MAPK10: variants seen among roughly 807,000 people sequenced by gnomAD.
MAPK10 encodes mitogen-activated protein kinase 10, also known as JNK3 alpha protein kinase.
Under a neutral mutation model 59.3 loss-of-function variants are expected in MAPK10, and 25 were observed. That is an observed-to-expected ratio of 0.42 (90% CI 0.31 to 0.59). MAPK10 has a LOEUF of 0.59. Ranked by LOEUF, MAPK10 falls within the 20% of genes least tolerant of loss-of-function variation. MAPK10 has a pLI of 0.15. For synonymous variants in MAPK10, 190 were observed against 200.5 expected (o/e 0.95, Z 0.44); for missense variants, 351 against 568.9 (o/e 0.62, Z 3.90).
At chr4:86,565,165 A>C (rs1183235716) in intron 1 of MAPK10, among the ~76,000 whole-genome samples, 3 of 152,214 alleles carry the variant, frequency 2.0e-5, no homozygotes, top group Non-Finnish European at 4.4e-5. Flanking sequence ...CATTAAGCAA[A>C]TCAAACTTAT....
At chr4:86,487,101 G>A (rs530528291) in intron 1 of MAPK10, among the ~76,000 whole-genome samples, 12 of 152,250 alleles carry the variant, frequency 7.9e-5, no homozygotes, top group African/African-American at 2.6e-4. Flanking sequence ...ACAGTCGATT[G>A]CAATGCAGGA....
rs374033151 is a variant in MAPK10, at chr4:86,211,445, GA to G, written c.-6-17039del. ...GGCTAATATATTCAAAGTGCTAAAA[GA>G]AAAAAAGTGTCAACCAAGAATCTAA... On this transcript the variant is annotated intron_variant, in intron 2 of 13. Coordinates refer to ENST00000641462, the MANE Select transcript of MAPK10 (RefSeq NM_138982.4). Among the ~76,000 whole-genome samples, 800 of 151,860 alleles carry G rather than the reference GA, an allele frequency of 5.3e-3. 6 individuals are homozygous for G. The highest frequency in any genetic ancestry group is 7.3e-3 in the Non-Finnish European group (494 of 67,844).
intron 2 of MAPK10, among the ~76,000 whole-genome samples, chr4:86,257,075 C>CT (rs2093774982): frequency 6.6e-6 from 1 of 152,138 alleles, no homozygotes; most frequent in African/African-American, 2.4e-5. Flanking sequence ...CTCAATTCCT[C>CT]TGTCTTTCCT....
At chr4:86,304,398 T>C (rs1265041324) in intron 2 of MAPK10, among the ~76,000 whole-genome samples, 7 of 145,770 alleles carry the variant, frequency 4.8e-5, no homozygotes, top group East Asian at 4.0e-4. Context: ...TTTTTTTTTT[T>C]TTTTTTTTTT....
chr4:86,188,737 C>T (rs555901583), intron 3 of MAPK10, among the ~76,000 whole-genome samples: 1 of 152,166 alleles, frequency 6.6e-6, no homozygotes, highest in Non-Finnish European at 1.5e-5. Context: ...TGCAGAAGCT[C>T]TTTAGTTTAA....
chr4:86,568,620 G>C (rs1433342358), intron 1 of MAPK10, among the ~76,000 whole-genome samples: 1 of 152,012 alleles, frequency 6.6e-6, no homozygotes, highest in Non-Finnish European at 1.5e-5. Flanking sequence ...AGACAGAATA[G>C]AGAACCCGGA....
At chr4:86,088,233 G>A (rs762015477) in intron 9 of MAPK10, among the ~76,000 whole-genome samples, 2 of 152,180 alleles carry the variant, frequency 1.3e-5, no homozygotes, top group African/African-American at 2.4e-5. Flanking sequence ...CTAGGCTGCA[G>A]TGCAGCAGCA....
At chr4:86,488,640 C>G (rs1445187837) in intron 1 of MAPK10, among the ~76,000 whole-genome samples, 1 of 152,140 alleles carries the variant, frequency 6.6e-6, no homozygotes, top group African/African-American at 2.4e-5. Flanking sequence ...TCTGAATCTG[C>G]CTGTAGATAC....
chr4:86,296,799 A>G (rs905367477), intron 2 of MAPK10, among the ~76,000 whole-genome samples: 1 of 152,240 alleles, frequency 6.6e-6, no homozygotes, highest in African/African-American at 2.4e-5. Context: ...AGAATTTCTT[A>G]TATTTTATGC....
intron 2 of MAPK10, among the ~76,000 whole-genome samples, chr4:86,229,955 G>A (rs1050622171): frequency 3.3e-5 from 5 of 152,160 alleles, no homozygotes; most frequent in Admixed American, 2.6e-4. Flanking sequence ...CAGCTACACA[G>A]GAGGCTGAGG....
chr4:86,562,235 T>C (rs1037682498), intron 1 of MAPK10, among the ~76,000 whole-genome samples: 7 of 151,906 alleles, frequency 4.6e-5, no homozygotes, highest in African/African-American at 1.7e-4. Flanking sequence ...GCTGTGATCA[T>C]GCCACTGCAC....
chr4:86,558,872 T>G (rs1760459837), intron 1 of MAPK10, among the ~76,000 whole-genome samples: 1 of 151,938 alleles, frequency 6.6e-6, no homozygotes, highest in Non-Finnish European at 1.5e-5. Flanking sequence ...TAGCATGCTG[T>G]ATCAGATCAT....
rs1747140049 is a variant in MAPK10 at position 86,425,405 on chromosome 4, G to A, written c.-122+27625C>T. ...ATGACATGTATATATTATATAAAAT[G>A]ACTCCAGGTAATTTTCTATTTTTCT... On this transcript the variant is annotated intron_variant, in intron 1 of 13. Coordinates refer to the MAPK10 transcript ENST00000361569. Among the ~76,000 whole-genome samples, 3 of 150,526 alleles carry A rather than the reference G, an allele frequency of 2.0e-5. No homozygotes were observed. In the South Asian group the frequency reaches 6.3e-4, roughly 32 times the overall value.
intron 3 of MAPK10, chr4:86,192,555 G>C (rs2080190484): frequency 6.6e-6 from 1 of 151,680 alleles, no homozygotes; most frequent in Admixed American, 6.6e-5. Context: ...TCTTCCGCTT[G>C]ATGGATTTGG....
At chr4:86,405,399 G>A (rs1195669770) in intron 1 of MAPK10, among the ~76,000 whole-genome samples, 1 of 152,116 alleles carries the variant, frequency 6.6e-6, no homozygotes, top group Non-Finnish European at 1.5e-5. Context: ...GTGTTCTGTT[G>A]AACATTAATA....
Position 86,182,975 on chromosome 4 carries a change from G to T in MAPK10, c.66+11361C>A, listed in dbSNP as rs75325913. Among the ~76,000 whole-genome samples, 1,249 of 151,998 alleles carry T rather than the reference G, an allele frequency of 8.2e-3. 16 individuals carry two copies. Among genetic ancestry groups the T allele is most frequent in the African/African-American group, 0.028 (1,182 of 41,494 alleles). On this transcript the variant is annotated intron_variant, in intron 3 of 13. Coordinates refer to ENST00000641462, the MANE Select transcript of MAPK10 (RefSeq NM_138982.4). ...AAACATTCTGTATCTACACCCAAATGTAGAAAGTTGAACTGAAAAATAACG... is the reference window on the plus strand; with the variant it reads ...AAACATTCTGTATCTACACCCAAATTTAGAAAGTTGAACTGAAAAATAACG...
At chr4:86,089,512 T>C in intron 9 of MAPK10, 1 of 405,574 alleles carries the variant, frequency 2.5e-6, no homozygotes, top group Middle Eastern at 6.4e-4. Context: ...CTACCTAATG[T>C]AGAATAATAT....
chr4:86,450,287 T>C (rs769122868), intron 1 of MAPK10, among the ~76,000 whole-genome samples: 1 of 152,178 alleles, frequency 6.6e-6, no homozygotes, highest in African/African-American at 2.4e-5. Flanking sequence ...AGTTTAATTA[T>C]CTCCCTAAAT....
intron 2 of MAPK10, among the ~76,000 whole-genome samples, chr4:86,255,093 A>G (rs1205085908): frequency 6.6e-6 from 1 of 152,166 alleles, no homozygotes; most frequent in Non-Finnish European, 1.5e-5. Context: ...AATAAAAGAA[A>G]AAAAGAAAAA....
Sources: gnomAD v4.1 joint callset for allele counts (sites outside exome capture counted in the v4.1 genomes callset) on GRCh38, gnomAD v4.1.1 for gene constraint, MANE v1.5 for transcripts, NCBI Gene and HGNC (gene_info 2026-07-23, HGNC 2026-07-21) for gene names.